The following ZFP90 variants were observed in gnomAD, a reference collection of about 807,000 sequenced individuals.
ZFP90 encodes zinc finger protein 90 homolog.
A neutral mutation model predicts 60.8 loss-of-function variants in ZFP90; 38 were observed. That is an observed-to-expected ratio of 0.62 (90% CI 0.48 to 0.82). The LOEUF (loss-of-function observed/expected upper bound fraction) is 0.82, where lower values mean the gene tolerates loss of function less well. Among genes scored for constraint, ZFP90 ranks in the 40% least tolerant of loss-of-function variants. ZFP90 has a pLI of 0.00. For synonymous variants in ZFP90, 287 were observed against 264.8 expected (o/e 1.08, Z -0.82); for missense variants, 711 against 759.1 (o/e 0.94, Z 0.74).
chr16:68,555,397 T>G (rs1645927), intron 2 of ZFP90, among the ~76,000 whole-genome samples: 116,881 of 152,004 alleles, frequency 0.77, 45,012 homozygotes, highest in East Asian at 0.82. Flanking sequence ...AGCCAAGTGT[T>G]GAACAGAAAT....
At chr16:68,543,187 G>C (rs1038958304) in intron 2 of ZFP90, among the ~76,000 whole-genome samples, 1 of 151,942 alleles carries the variant, frequency 6.6e-6, no homozygotes, top group Non-Finnish European at 1.5e-5. Context: ...CAGCCTAGCG[G>C]CAAGATGTAT....
At chr16:68,538,758 C>G (rs891155727), upstream of ZFP90, among the ~76,000 whole-genome samples, 1 of 151,962 alleles carries the variant, frequency 6.6e-6, no homozygotes, top group African/African-American at 2.4e-5. Context: ...AAACAAAATC[C>G]TGCGTAAGGG....
At chr16:68,559,141 C>G (rs2091394556) in intron 4 of ZFP90, among the ~76,000 whole-genome samples, 1 of 152,088 alleles carries the variant, frequency 6.6e-6, no homozygotes, top group Non-Finnish European at 1.5e-5. Flanking sequence ...GCTTTTCTGC[C>G]TAAGTGACCC....
At chr16:68,545,563 C>G (rs2091133796) in intron 2 of ZFP90, among the ~76,000 whole-genome samples, 1 of 152,098 alleles carries the variant, frequency 6.6e-6, no homozygotes, top group Non-Finnish European at 1.5e-5. Context: ...GCCTGTAATC[C>G]CAGCACTTTG....
At position 68,558,290 on chromosome 16, in the gene ZFP90, T is replaced by C. The variant is rs535395519; in HGVS notation, c.160+166T>C. 6 of 1,217,640 alleles carry C rather than the reference T, an allele frequency of 4.9e-6. No individual in the cohort carries two copies. The East Asian group carries it at 7.1e-5, about 14-fold the overall frequency. The allele number at this position is 1,217,640 out of a possible 1,614,324, so 75.4% of individuals were successfully genotyped here. A position where few individuals can be genotyped will look rare whatever the true frequency, so the allele number is the denominator to read the frequency against. On this transcript the variant is annotated intron_variant, in intron 3 of 4. Transcript: ENST00000563169. ...TTTATGGGGTTTTGAGCCTGCTCTT[T>C]AGGTAAAAGGTCTTTATTTTGCAAA... is the stretch of plus-strand genomic sequence containing the variant.
intron 2 of ZFP90, among the ~76,000 whole-genome samples, chr16:68,550,735 A>G (rs185549486): frequency 6.6e-6 from 1 of 152,362 alleles, no homozygotes; most frequent in African/African-American, 2.4e-5. Flanking sequence ...TGGCTGCCAT[A>G]TTAGACTGTG....
chr16:68,562,919 T>C, intron 4 of ZFP90, 125 bp from the exon 5 acceptor site: 3 of 1,545,090 alleles, frequency 1.9e-6, no homozygotes, highest in Non-Finnish European at 2.6e-6. Context: ...GGTCGTCTTC[T>C]CAGGATACAG....
chr16:68,543,423 C>T (rs1020761785), intron 2 of ZFP90, among the ~76,000 whole-genome samples: 1 of 152,094 alleles, frequency 6.6e-6, no homozygotes, highest in African/African-American at 2.4e-5. Flanking sequence ...ACTGGCTCCA[C>T]CTGAAGCGGG....
intron 4 of ZFP90, chr16:68,562,631 G>C (rs1728792): frequency 0.77 from 165,635 of 214,720 alleles, 64,089 homozygotes; most frequent in East Asian, 0.82. Context: ...CCTGGAACCT[G>C]AGAGTTGACA....
chr16:68,572,485 G>C (rs28504689), intron 2 of ZFP90, among the ~76,000 whole-genome samples: 5,617 of 152,246 alleles, frequency 0.037, 323 homozygotes, highest in African/African-American at 0.13. Flanking sequence ...TCTAAAGGGT[G>C]TCACAGAGAC....
In ZFP90 at chr16:68,575,993, A is replaced by T. The variant is rs1345370760; in HGVS notation, c.*117A>T. 6 of 388,512 alleles carry T rather than the reference A, an allele frequency of 1.5e-5. No homozygotes were observed. In the South Asian group the frequency reaches 8.6e-4, roughly 56 times the overall value. 24.1% of individuals were successfully genotyped at this position (388,512 alleles called of 1,614,324 possible). A position where few individuals can be genotyped will look rare whatever the true frequency, so the allele number is the denominator to read the frequency against. On this transcript the variant is annotated 3_prime_UTR_variant, in exon 3 of 3. Coordinates refer to the ZFP90 transcript ENST00000573113. ...TTCACAACTCTGGAACATTTATTCC[A>T]GCAAGCAGCAAATGTTCCCCTTGCA...
In ZFP90 at chr16:68,564,289, T is replaced by C. The variant is rs1374431549; in HGVS notation, c.1502T>C (p.Val501Ala). The change falls in exon 5 of 5, where the codon GTA becomes GCA. Residue 501 changes from valine to alanine, a missense_variant. This residue lies in a region of ZFP90 where 295 missense variants were observed against 274.0 expected (regional missense o/e 1.08). Coordinates refer to ENST00000563169, the MANE Select transcript of ZFP90 (RefSeq NM_001305203.2). ...HPGEKPYQCN[V>A]CGKAFKRSTS... ...GGAGAGAAACCCTATCAATGTAATG[T>C]ATGTGGGAAAGCTTTCAAAAGGAGT... The C allele has an allele frequency of 6.2e-7, 1 of 1,613,952 alleles. No individual in the cohort carries two copies. Among genetic ancestry groups the C allele is most frequent in the Admixed American group, 1.7e-5 (1 of 60,004 alleles).
At position 68,566,135 on chromosome 16, in the gene ZFP90, C is replaced by G; in HGVS notation, c.*1437C>G. 1 of 945,244 alleles carries G rather than the reference C, an allele frequency of 1.1e-6. No homozygotes were observed. The highest frequency in any genetic ancestry group is 1.2e-6 in the Non-Finnish European group (1 of 807,826). 58.6% of individuals were successfully genotyped at this position (945,244 alleles called of 1,614,324 possible). A position where few individuals can be genotyped will look rare whatever the true frequency, so the allele number is the denominator to read the frequency against. ...GCAACAGAGCAAGACACACACACAT[C>G]AATTTATTTTAGTTGTATAATGCTT... On this transcript the variant is annotated 3_prime_UTR_variant, in exon 5 of 5. Transcript: ENST00000563169.
chr16:68,567,180 A>G, downstream of ZFP90: 45 of 985,168 alleles, frequency 4.6e-5, no homozygotes, highest in Non-Finnish European at 5.4e-5. Context: ...CTAAGATTAA[A>G]GAGTGGTGCA....
chr16:68,557,107 C>T, intron 2 of ZFP90: 1 of 441,582 alleles, frequency 2.3e-6, no homozygotes, highest in Non-Finnish European at 4.6e-6. Flanking sequence ...TCCAGCTCAG[C>T]CTCCTGAGTA....
In ZFP90 at chr16:68,564,157, A is replaced by G. The variant is rs776977020; in HGVS notation, c.1370A>G (p.Glu457Gly). The G allele has an allele frequency of 1.4e-5, 23 of 1,614,074 alleles. No individual in the cohort carries two copies. The highest frequency in any genetic ancestry group is 1.9e-5 in the Non-Finnish European group (23 of 1,180,036). ...TCCTACCATTGTAATGACTGTGGGG[A>G]AGACTTTAGTCACATTACAGACTTT... ...VKSYHCNDCG[E>G]DFSHITDFTD... is the part of the protein sequence containing the mutation. Residue 457 changes from glutamate (E) to glycine (G), a missense_variant, in exon 5 of 5, where the codon GAA (glutamate) becomes GGA (glycine). By Grantham distance (98) the Glu-to-Gly change is moderately conservative. Coordinates refer to ENST00000563169, the MANE Select transcript of ZFP90 (RefSeq NM_001305203.2).
intron 2 of ZFP90, among the ~76,000 whole-genome samples, chr16:68,549,238 G>A (rs1212537868): frequency 2.0e-5 from 3 of 152,190 alleles, no homozygotes; most frequent in Non-Finnish European, 4.4e-5. Context: ...AATCTGAGCT[G>A]TTGCTCTTTG....
At chr16:68,547,684 T>C (rs1303314588) in intron 2 of ZFP90, among the ~76,000 whole-genome samples, 1 of 152,172 alleles carries the variant, frequency 6.6e-6, no homozygotes, top group Non-Finnish European at 1.5e-5. Flanking sequence ...ATGACTATAT[T>C]ATATTGCTTT....
chr16:68,553,805 G>C (rs1226747594), intron 2 of ZFP90, among the ~76,000 whole-genome samples: 4 of 152,020 alleles, frequency 2.6e-5, no homozygotes, highest in Admixed American at 6.6e-5. Context: ...ATTTGTTTGT[G>C]TTAGAGATGG....
Sources: gnomAD v4.1 joint callset for allele counts (sites outside exome capture counted in the v4.1 genomes callset) on GRCh38, gnomAD v4.1.1 for gene constraint, gnomAD v4.1.1 regional missense constraint, MANE v1.5 for transcripts, NCBI Gene and HGNC (gene_info 2026-07-23, HGNC 2026-07-21) for gene names.